The following ARPP19 variants were observed in gnomAD, a reference collection of about 807,000 sequenced individuals.
ARPP19 encodes the protein cAMP regulated phosphoprotein 19, also known as cAMP-regulated phosphoprotein 19.
ARPP19 carries 8 observed loss-of-function variants against 12.0 expected under a neutral mutation model. That is an observed-to-expected ratio of 0.67 (90% CI 0.39 to 1.21). The LOEUF (loss-of-function observed/expected upper bound fraction) is 1.21. Ranked by LOEUF, ARPP19 falls within the 50% of genes most tolerant of loss-of-function variation. The pLI is 0.01. For synonymous variants in ARPP19, 47 were observed against 50.4 expected, an observed-to-expected ratio of 0.93 and a Z score of 0.29; for missense variants, 102 against 136.3, an observed-to-expected ratio of 0.75 and a Z score of 1.25.
At position 52,551,856 on chromosome 15, in the gene ARPP19, A is replaced by C. The variant is rs1019862013; in HGVS notation, c.*78T>G. 13 of 1,101,662 alleles carry C rather than the reference A, an allele frequency of 1.2e-5. No homozygotes were observed. The African/African-American group carries it at 1.9e-4, about 16-fold the overall frequency. The allele number at this position is 1,101,662 out of a possible 1,614,324, so 68.2% of individuals were successfully genotyped here. A position where few individuals can be genotyped will look rare whatever the true frequency, so the allele number is the denominator to read the frequency against. ...CAGTCTCAAATGACTAGTGAATGAA[A>C]GGAAATAAAAAGTAGATAAGTAACA... On this transcript the variant is annotated 3_prime_UTR_variant, in exon 3 of 3. Coordinates refer to ENST00000249822, the MANE Select transcript of ARPP19 (RefSeq NM_006628.6).
intron 1 of ARPP19, among the ~76,000 whole-genome samples, chr15:52,566,430 A>G (rs2078082742): frequency 1.3e-5 from 2 of 152,120 alleles, no homozygotes; most frequent in African/African-American, 2.4e-5. Flanking sequence ...AAGTGCTGGG[A>G]TTACAGCTGT....
intron 1 of ARPP19, among the ~76,000 whole-genome samples, chr15:52,562,911 A>G (rs1477085938): frequency 7.4e-6 from 1 of 135,806 alleles, no homozygotes; most frequent in Non-Finnish European, 1.5e-5. Flanking sequence ...TCTGTCGCCC[A>G]GGCTGGAGTG....
chr15:52,558,482 A>AAAAAAAAAAAAAAAAAG, intron 1 of ARPP19, among the ~76,000 whole-genome samples: 1 of 148,976 alleles, frequency 6.7e-6, no homozygotes, highest in Non-Finnish European at 1.5e-5. Flanking sequence ...AAAAAAAAAA[A>AAAAAAAAAAAAAAAAAG]AAAGAAAGAA....
At chr15:52,566,758 C>G (rs968872210) in intron 1 of ARPP19, among the ~76,000 whole-genome samples, 10 of 152,140 alleles carry the variant, frequency 6.6e-5, no homozygotes, top group African/African-American at 2.4e-4. Context: ...GAGTGGTATA[C>G]AAGTTAAGAG....
At chr15:52,564,084 A>G (rs2078059532) in intron 1 of ARPP19, 1 of 711,598 alleles carries the variant, frequency 1.4e-6, no homozygotes, top group South Asian at 1.8e-5. Context: ...TTAGAAGTTA[A>G]GTATTCAAGT....
At chr15:52,558,222 C>A (rs545521165) in intron 1 of ARPP19, among the ~76,000 whole-genome samples, 1 of 151,972 alleles carries the variant, frequency 6.6e-6, no homozygotes, top group Non-Finnish European at 1.5e-5. Context: ...GAGCTGTGGG[C>A]GGATTGCTTG....
At chr15:52,555,866 CTCTG>C (rs894955574) in intron 2 of ARPP19, among the ~76,000 whole-genome samples, 33 of 148,516 alleles carry the variant, frequency 2.2e-4, no homozygotes, top group African/African-American at 8.4e-4. Flanking sequence ...ATAAACATTT[CTCTG>C]TTTTTTATAT....
At chr15:52,561,221 T>A (rs2078029408) in intron 1 of ARPP19, among the ~76,000 whole-genome samples, 1 of 152,220 alleles carries the variant, frequency 6.6e-6, no homozygotes, top group African/African-American at 2.4e-5. Flanking sequence ...AACATTTACT[T>A]AAGCTAGAAT....
chr15:52,569,299 T>A, upstream of ARPP19: 1 of 253,416 alleles, frequency 3.9e-6, no homozygotes, highest in Non-Finnish European at 7.6e-6. Context: ...TTCTAGGAGC[T>A]TTATTTTACT....
chr15:52,562,116 A>C (rs920371109), intron 1 of ARPP19, among the ~76,000 whole-genome samples: 1 of 152,092 alleles, frequency 6.6e-6, no homozygotes, highest in Non-Finnish European at 1.5e-5. Flanking sequence ...AAACTGACAG[A>C]ACTATAGGGA....
chr15:52,563,864 G>T (rs1423801991), intron 1 of ARPP19, among the ~76,000 whole-genome samples: 1 of 152,176 alleles, frequency 6.6e-6, no homozygotes, highest in Non-Finnish European at 1.5e-5. Context: ...CAAGCTCTAT[G>T]GAAAATTACT....
rs550109433 is a variant in ARPP19, at chr15:52,548,685, C to T, written c.*3249G>A. 6.6e-6 allele frequency: 1 copy of T among 152,580 alleles called. No homozygotes were observed. Among genetic ancestry groups the T allele is most frequent in the East Asian group, 1.9e-4 (1 of 5,182 alleles). 9.5% of individuals were successfully genotyped at this position (152,580 alleles called of 1,614,324 possible). A position where few individuals can be genotyped will look rare whatever the true frequency, so the allele number is the denominator to read the frequency against. ...AACATAGTTGATAAAGGGTTCAGTA[C>T]TATCTGAGGTTTCAGGCATCCACTA... On this transcript the variant is annotated 3_prime_UTR_variant, in exon 3 of 3. Transcript: ENST00000249822.
At chr15:52,553,221 G>A (rs2077952082) in intron 2 of ARPP19, among the ~76,000 whole-genome samples, 1 of 151,960 alleles carries the variant, frequency 6.6e-6, no homozygotes. Flanking sequence ...AAAAATTAAG[G>A]TAAAAATATA....
intron 1 of ARPP19, chr15:52,564,127 C>CG: frequency 8.4e-7 from 1 of 1,192,190 alleles, no homozygotes; most frequent in Non-Finnish European, 1.2e-6. Context: ...CCCTAACAAA[C>CG]TGTTGTATCG....
chr15:52,559,048 T>G (rs1376683030), intron 1 of ARPP19, among the ~76,000 whole-genome samples: 1 of 152,220 alleles, frequency 6.6e-6, no homozygotes, highest in African/African-American at 2.4e-5. Context: ...TGTTGTTAGA[T>G]CTTCTCATTT....
At chr15:52,564,890 CA>C (rs2078067258) in intron 1 of ARPP19, among the ~76,000 whole-genome samples, 1 of 152,078 alleles carries the variant, frequency 6.6e-6, no homozygotes, top group Non-Finnish European at 1.5e-5. Context: ...AGTACTTTGG[CA>C]AAGGTTTTAA....
rs563413259 is a variant in ARPP19 at position 52,550,696 on chromosome 15, T to C, written c.*1238A>G. ...ATTGTGTTATATAAAAGAGTAAGGA[T>C]ATAGACACCTATGCTTCCATATACA... On this transcript the variant is annotated 3_prime_UTR_variant, in exon 3 of 3. Coordinates refer to ENST00000249822, the MANE Select transcript of ARPP19 (RefSeq NM_006628.6). 35 of 152,334 alleles carry C rather than the reference T, an allele frequency of 2.3e-4. No homozygotes were observed. In the East Asian group the frequency reaches 5.4e-3, roughly 24 times the overall value. 9.4% of individuals were successfully genotyped at this position (152,334 alleles called of 1,614,324 possible).
chr15:52,548,373 G>C lies in ARPP19; in HGVS notation c.*3561C>G, dbSNP rs2077898149. On this transcript the variant is annotated 3_prime_UTR_variant, in exon 3 of 3. Transcript: ENST00000249822. ...ATGGTGGCGGACGCCTGTAATCCCA[G>C]CTACTTGGGAGGCTGAGGCAGGAGA... 1 of 152,276 alleles carries C rather than the reference G, an allele frequency of 6.6e-6. No homozygotes were observed. The highest frequency in any genetic ancestry group is 2.4e-5 in the African/African-American group (1 of 41,422). 9.4% of individuals were successfully genotyped at this position (152,276 alleles called of 1,614,324 possible).
Position 52,567,673 on chromosome 15 carries a change from TGTG to T in ARPP19, c.45+1172_45+1174del, listed in dbSNP as rs2078096931. Among the ~76,000 whole-genome samples the T allele has an allele frequency of 2.0e-5, 3 of 152,216 alleles. No homozygotes were observed. In the South Asian group the frequency reaches 6.2e-4, roughly 32 times the overall value. Reference sequence around the variant, plus strand: ...ATTTTCACGGGATATTCTCAAATAATGTGGTAACTTGGACTTTTACCTATGCTA... The same window carrying T: ...ATTTTCACGGGATATTCTCAAATAATGTAACTTGGACTTTTACCTATGCTA... On this transcript the variant is annotated intron_variant, in intron 1 of 2. Coordinates refer to ENST00000249822, the MANE Select transcript of ARPP19 (RefSeq NM_006628.6).
Sources: gnomAD v4.1 joint callset for allele counts (sites outside exome capture counted in the v4.1 genomes callset) on GRCh38, gnomAD v4.1.1 for gene constraint, MANE v1.5 for transcripts, NCBI Gene and HGNC (gene_info 2026-07-23, HGNC 2026-07-21) for gene names.